The following BRINP3 variants were observed in gnomAD, a reference collection of about 807,000 sequenced individuals.
BRINP3 encodes BMP/retinoic acid inducible neural specific 3.
Under a neutral mutation model 71.0 loss-of-function variants are expected in BRINP3, and 19 were observed. The observed-to-expected ratio is 0.27, with a 90% CI of 0.19 to 0.39. BRINP3 has a LOEUF of 0.39. Among genes scored for constraint, BRINP3 ranks in the 10% least tolerant of loss-of-function variants. The probability of loss-of-function intolerance (pLI) is 1.00; values close to 1 mark genes in which losing one functional copy is unlikely to be tolerated. For missense variants in BRINP3, 959 were observed against 940.8 expected (o/e 1.02, Z -0.25); for synonymous variants, 380 against 337.7 (o/e 1.13, Z -1.37).
intron 4 of BRINP3, among the ~76,000 whole-genome samples, chr1:190,245,260 G>GA: frequency 6.8e-6 from 1 of 146,580 alleles, no homozygotes. Context: ...TTTTTTTTCA[G>GA]AAAAATAAAT....
chr1:190,325,308 T>C (rs1469100514), intron 2 of BRINP3, among the ~76,000 whole-genome samples: 1 of 152,042 alleles, frequency 6.6e-6, no homozygotes, highest in Non-Finnish European at 1.5e-5. Context: ...CTCAGAAAAG[T>C]AAGCAAGAAC....
intron 2 of BRINP3, among the ~76,000 whole-genome samples, chr1:190,399,516 G>T (rs941815888): frequency 1.3e-5 from 2 of 151,798 alleles, no homozygotes; most frequent in South Asian, 4.2e-4. Context: ...AATTTCTCAG[G>T]GGTTTTTAAT....
At position 190,364,525 on chromosome 1, in the gene BRINP3, C is replaced by G. The variant is rs558490377; in HGVS notation, c.237-82775G>C. On this transcript the variant is annotated intron_variant, in intron 2 of 7. Coordinates refer to ENST00000367462, the MANE Select transcript of BRINP3 (RefSeq NM_199051.3). ...AGCTAAGGAGCAGAAGAACATCAAA[C>G]AGTCTTGCCCTATGAAAATATGGAT... Among the ~76,000 whole-genome samples the G allele has an allele frequency of 5.3e-5, 8 of 152,108 alleles. No homozygotes were observed. The South Asian group carries it at 1.7e-3, about 32-fold the overall frequency.
chr1:190,123,006 C>T (rs1653805861), intron 7 of BRINP3, among the ~76,000 whole-genome samples: 1 of 152,096 alleles, frequency 6.6e-6, no homozygotes, highest in Admixed American at 6.6e-5. Context: ...TGCAACCAGA[C>T]TTGAACTTTC....
chr1:190,368,919 CCTT>C (rs1213467464), intron 2 of BRINP3, among the ~76,000 whole-genome samples: 2 of 152,110 alleles, frequency 1.3e-5, no homozygotes, highest in African/African-American at 2.4e-5. Flanking sequence ...AATTTTCAGG[CCTT>C]CTCCCTGTAA....
intron 2 of BRINP3, among the ~76,000 whole-genome samples, chr1:190,450,797 C>A (rs1675554552): frequency 6.6e-6 from 1 of 152,028 alleles, no homozygotes; most frequent in South Asian, 2.1e-4. Flanking sequence ...TAAATTTCTG[C>A]TTTTCTCATA....
chr1:190,457,244 C>A (rs1676055977), intron 1 of BRINP3, among the ~76,000 whole-genome samples: 1 of 152,082 alleles, frequency 6.6e-6, no homozygotes, highest in African/African-American at 2.4e-5. Flanking sequence ...GAGTTCAAGA[C>A]CAGCCTGGAC....
chr1:190,114,990 C>A (rs1653007936), intron 7 of BRINP3, among the ~76,000 whole-genome samples: 1 of 152,122 alleles, frequency 6.6e-6, no homozygotes, highest in Non-Finnish European at 1.5e-5. Flanking sequence ...GCCACTGTAG[C>A]CCTCTCGATC....
At chr1:190,283,659 T>C (rs1458848209) in intron 2 of BRINP3, among the ~76,000 whole-genome samples, 1 of 148,534 alleles carries the variant, frequency 6.7e-6, no homozygotes, top group Non-Finnish European at 1.5e-5. Context: ...ATATTAAATA[T>C]AGGATATATA....
chr1:190,277,824 C>T (rs1205491973), intron 3 of BRINP3, among the ~76,000 whole-genome samples: 2 of 151,540 alleles, frequency 1.3e-5, no homozygotes, highest in Admixed American at 1.3e-4. Flanking sequence ...AATTGAGTAG[C>T]TTATTTTAGA....
intron 1 of BRINP3, among the ~76,000 whole-genome samples, chr1:190,457,649 C>T (rs1263480561): frequency 6.6e-6 from 1 of 152,054 alleles, no homozygotes; most frequent in Non-Finnish European, 1.5e-5. Flanking sequence ...ATGGTAAGGA[C>T]ATGTGGTAAA....
intron 6 of BRINP3, among the ~76,000 whole-genome samples, chr1:190,198,761 T>A (rs935590755): frequency 2.6e-5 from 4 of 152,148 alleles, no homozygotes; most frequent in Non-Finnish European, 4.4e-5. Context: ...AACATTTTGG[T>A]AAAAACAAAA....
intron 7 of BRINP3, among the ~76,000 whole-genome samples, chr1:190,154,895 G>T (rs1656729140): frequency 6.6e-6 from 1 of 152,004 alleles, no homozygotes. Flanking sequence ...ACACTTGGTG[G>T]ATCTGTTATC....
intron 2 of BRINP3, among the ~76,000 whole-genome samples, chr1:190,301,934 T>C (rs534540681): frequency 6.6e-6 from 1 of 152,028 alleles, no homozygotes; most frequent in South Asian, 2.1e-4. Flanking sequence ...TAGTTCCCTA[T>C]ATTTCTTTGC....
chr1:190,280,703 A>G (rs1322510595), intron 3 of BRINP3, among the ~76,000 whole-genome samples: 1 of 151,924 alleles, frequency 6.6e-6, no homozygotes, highest in African/African-American at 2.4e-5. Context: ...AGAAACTGAC[A>G]AGAAAGCAGG....
In BRINP3 at chr1:190,251,805, C is replaced by CAA. The variant is rs35452757; in HGVS notation, c.618+13058_618+13059dup. Reference sequence around the variant, plus strand: ...AACAATACTCTTTAACAACAACAACCAAAAAAAAAAACATAAAGAGATGGC... The same window carrying CAA: ...AACAATACTCTTTAACAACAACAACCAAAAAAAAAAAAACATAAAGAGATGGC... On this transcript the variant is annotated intron_variant, in intron 4 of 7. Transcript: ENST00000367462. Among the ~76,000 whole-genome samples, 349 of 145,062 alleles carry CAA rather than the reference C, an allele frequency of 2.4e-3. 2 individuals are homozygous for CAA. The highest frequency in any genetic ancestry group is 6.0e-3 in the South Asian group (28 of 4,636).
intron 2 of BRINP3, among the ~76,000 whole-genome samples, chr1:190,327,199 C>T (rs115597511): frequency 0.13 from 19,742 of 150,192 alleles, 1,680 homozygotes; most frequent in South Asian, 0.26. Flanking sequence ...CCTGTAATCC[C>T]GGCTACTTGG....
chr1:190,323,633 C>T (rs1453491501), intron 2 of BRINP3, among the ~76,000 whole-genome samples: 1 of 149,890 alleles, frequency 6.7e-6, no homozygotes, highest in Admixed American at 6.7e-5. Context: ...TCTTATTTTG[C>T]ATTAAGGCTG....
At chr1:190,263,072 C>T (rs895203674) in intron 4 of BRINP3, among the ~76,000 whole-genome samples, 1 of 152,022 alleles carries the variant, frequency 6.6e-6, no homozygotes, top group Non-Finnish European at 1.5e-5. Flanking sequence ...TGGTGCTGAA[C>T]AGCAACAACA....
Sources: gnomAD v4.1 joint callset for allele counts (sites outside exome capture counted in the v4.1 genomes callset) on GRCh38, gnomAD v4.1.1 for gene constraint, MANE v1.5 for transcripts, NCBI Gene and HGNC (gene_info 2026-07-23, HGNC 2026-07-21) for gene names.